OLFM3: variants seen among roughly 807,000 people sequenced by gnomAD.
OLFM3 encodes olfactomedin 3.
In OLFM3, 20 loss-of-function variants were observed where a neutral mutation model predicts 48.6. The ratio of observed to expected loss-of-function variants is 0.41; its 90% CI spans 0.29 to 0.60. OLFM3 has a LOEUF of 0.60. Ranked by LOEUF, OLFM3 falls within the 20% of genes least tolerant of loss-of-function variation. The pLI, the probability that OLFM3 is intolerant of heterozygous loss-of-function variation, is 0.28. For missense variants in OLFM3, 437 were observed against 544.3 expected (o/e 0.80, Z 1.96); for synonymous variants, 222 against 198.1 (o/e 1.12, Z -1.01).
At chr1:101,853,912 C>T (rs533060951) in intron 1 of OLFM3, among the ~76,000 whole-genome samples, 3 of 152,126 alleles carry the variant, frequency 2.0e-5, no homozygotes, top group East Asian at 1.9e-4. Flanking sequence ...GAAGTACTAA[C>T]TCCAACTTTG....
chr1:101,902,249 A>C (rs1328094465), intron 1 of OLFM3, among the ~76,000 whole-genome samples: 3 of 152,090 alleles, frequency 2.0e-5, no homozygotes, highest in African/African-American at 7.2e-5. Flanking sequence ...ATTTCAAAAC[A>C]ATATTCAAAA....
intron 1 of OLFM3, among the ~76,000 whole-genome samples, chr1:101,873,530 T>C (rs1457472441): frequency 2.6e-5 from 4 of 151,862 alleles, no homozygotes; most frequent in Admixed American, 2.6e-4. Flanking sequence ...AGGACTTTAA[T>C]TTAAGGAAAA....
intron 1 of OLFM3, among the ~76,000 whole-genome samples, chr1:101,888,978 C>T (rs1433540856): frequency 2.6e-5 from 4 of 152,160 alleles, no homozygotes; most frequent in African/African-American, 9.6e-5. Context: ...GTTAGAATGG[C>T]GATCATTAAA....
At chr1:101,922,696 T>C (rs539758394) in intron 1 of OLFM3, among the ~76,000 whole-genome samples, 3 of 152,260 alleles carry the variant, frequency 2.0e-5, no homozygotes, top group African/African-American at 7.2e-5. Flanking sequence ...ATAAAAACTC[T>C]CCCACTCTAC....
At chr1:101,964,474 A>C (rs2101087910) in intron 1 of OLFM3, among the ~76,000 whole-genome samples, 1 of 152,334 alleles carries the variant, frequency 6.6e-6, no homozygotes, top group South Asian at 2.1e-4. Flanking sequence ...AGAGTAAAAA[A>C]TTCAATTGAA....
chr1:101,831,845 A>G (rs905777985), intron 2 of OLFM3, among the ~76,000 whole-genome samples: 8 of 152,228 alleles, frequency 5.3e-5, no homozygotes, highest in African/African-American at 1.9e-4. Context: ...AAAGATTTCA[A>G]TGAGAAAAGC....
chr1:101,872,332 A>C (rs1408081320), intron 1 of OLFM3, among the ~76,000 whole-genome samples: 1 of 152,068 alleles, frequency 6.6e-6, no homozygotes, highest in East Asian at 1.9e-4. Context: ...TGGTAAAGTT[A>C]GGTGGCTATG....
intron 2 of OLFM3, among the ~76,000 whole-genome samples, chr1:101,831,926 G>A (rs547865992): frequency 2.3e-4 from 35 of 152,154 alleles, no homozygotes; most frequent in African/African-American, 7.7e-4. Flanking sequence ...TTTGTGAGAC[G>A]GAGTCTCGCT....
intron 1 of OLFM3, among the ~76,000 whole-genome samples, chr1:101,848,866 T>C (rs1159687199): frequency 6.6e-6 from 1 of 152,052 alleles, no homozygotes. Flanking sequence ...AGAAATGAGG[T>C]GGCAGATGGT....
intron 1 of OLFM3, among the ~76,000 whole-genome samples, chr1:101,985,783 T>C (rs910165438): frequency 1.3e-5 from 2 of 152,170 alleles, no homozygotes; most frequent in Admixed American, 1.3e-4. Context: ...TAAGCTTATA[T>C]ATTTTTGTAC....
At chr1:101,808,795 C>A (rs1653907444) in intron 4 of OLFM3, among the ~76,000 whole-genome samples, 1 of 151,486 alleles carries the variant, frequency 6.6e-6, no homozygotes, top group Admixed American at 6.6e-5. Context: ...TATGTATAAC[C>A]GAGGATGGCC....
At chr1:101,831,637 TGACCCGTTATAAAGATTAA>T (rs1236735001) in intron 2 of OLFM3, among the ~76,000 whole-genome samples, 3 of 152,132 alleles carry the variant, frequency 2.0e-5, no homozygotes, top group Admixed American at 6.5e-5. Context: ...AGAATATGAA[TGACCCGTTATAAAGATTAA>T]GATAGATCTC....
chr1:101,820,360 T>G (rs1654551511), intron 4 of OLFM3, among the ~76,000 whole-genome samples: 1 of 152,040 alleles, frequency 6.6e-6, no homozygotes, highest in Admixed American at 6.6e-5. Context: ...TATTATAATC[T>G]ACATTAAATA....
chr1:101,963,055 A>G (rs1472405676), intron 1 of OLFM3, among the ~76,000 whole-genome samples: 2 of 152,196 alleles, frequency 1.3e-5, no homozygotes, highest in African/African-American at 4.8e-5. Context: ...ATACTAGTAG[A>G]TGCACCATGT....
At chr1:101,874,077 G>A (rs716581) in intron 1 of OLFM3, among the ~76,000 whole-genome samples, 77,199 of 151,648 alleles carry the variant, frequency 0.51, 20,078 homozygotes, top group Non-Finnish European at 0.56. Context: ...AATAATCATC[G>A]TAGCTTTGTA....
intron 1 of OLFM3, among the ~76,000 whole-genome samples, chr1:101,967,537 G>A (rs1240417059): frequency 7.2e-6 from 1 of 138,980 alleles, no homozygotes; most frequent in African/African-American, 2.7e-5. Context: ...TTTCATTTTG[G>A]GATCCAAGGT....
intron 1 of OLFM3, among the ~76,000 whole-genome samples, chr1:101,955,291 A>T (rs1188625569): frequency 1.3e-5 from 2 of 151,992 alleles, no homozygotes; most frequent in Non-Finnish European, 2.9e-5. Flanking sequence ...TTTTAACAAA[A>T]TAATCATTCT....
At chr1:101,960,670 T>C (rs1216011136) in intron 1 of OLFM3, among the ~76,000 whole-genome samples, 1 of 152,178 alleles carries the variant, frequency 6.6e-6, no homozygotes, top group East Asian at 1.9e-4. Context: ...ATTTTATATT[T>C]ATAGATGACT....
At chr1:101,823,952 A>G (rs1654726299) in intron 4 of OLFM3, among the ~76,000 whole-genome samples, 1 of 150,188 alleles carries the variant, frequency 6.7e-6, no homozygotes, top group Admixed American at 6.7e-5. Flanking sequence ...AGGCTGTGAT[A>G]ACTGAATGCA....
Sources: gnomAD v4.1 joint callset for allele counts (sites outside exome capture counted in the v4.1 genomes callset) on GRCh38, gnomAD v4.1.1 for gene constraint, MANE v1.5 for transcripts, NCBI Gene and HGNC (gene_info 2026-07-23, HGNC 2026-07-21) for gene names.